GLYAT: variants seen among roughly 807,000 people sequenced by gnomAD.
GLYAT encodes glycine N-acyltransferase.
Under a neutral mutation model 22.8 loss-of-function variants are expected in GLYAT, and 25 were observed. The observed-to-expected ratio is 1.09, with a 90% confidence interval of 0.80 to 1.53. The LOEUF is 1.53. Ranked by LOEUF, GLYAT falls within the 40% of genes most tolerant of loss-of-function variation. The probability of loss-of-function intolerance (pLI) is 0.00; values close to 1 mark genes in which losing one functional copy is unlikely to be tolerated. For synonymous variants in GLYAT, 140 were observed against 122.7 expected, an observed-to-expected ratio of 1.14 and a Z score of -0.93; for missense variants, 411 against 353.9, an observed-to-expected ratio of 1.16 and a Z score of -1.29.
chr11:58,721,802 C>A lies in GLYAT; in HGVS notation c.81+2614G>T, dbSNP rs892184123. Among the ~76,000 whole-genome samples the A allele has an allele frequency of 2.0e-5, 3 of 149,250 alleles. No homozygotes were observed. In the Admixed American group the frequency reaches 2.0e-4, roughly 10 times the overall value. The stretch of plus-strand genomic sequence containing the variant: ...CCCTTTAGTAGTTAAAATTCAAAAT[C>A]TTTTTTTTTTCTCTTTTGCTAGCCA... On this transcript the variant is annotated intron_variant, in intron 2 of 5. Transcript: ENST00000344743.
At chr11:58,710,981 C>G (rs1488753263) in intron 4 of GLYAT, among the ~76,000 whole-genome samples, 3 of 152,170 alleles carry the variant, frequency 2.0e-5, no homozygotes, top group Middle Eastern at 3.2e-3. Flanking sequence ...GTAACTTCCT[C>G]TAGAAGCAAA....
chr11:58,729,867 C>A (rs1856853997), intron 1 of GLYAT, among the ~76,000 whole-genome samples: 1 of 152,084 alleles, frequency 6.6e-6, no homozygotes, highest in African/African-American at 2.4e-5. Context: ...AAGGAAGTAA[C>A]AAAGTAGAGT....
intron 1 of GLYAT, among the ~76,000 whole-genome samples, chr11:58,725,119 C>A (rs192223935): frequency 5.9e-5 from 9 of 152,186 alleles, no homozygotes; most frequent in Non-Finnish European, 1.2e-4. Context: ...TAATAAAGGG[C>A]ATTCTGACAT....
chr11:58,720,557 T>A (rs1463869903), intron 2 of GLYAT, among the ~76,000 whole-genome samples: 2 of 152,174 alleles, frequency 1.3e-5, no homozygotes, highest in African/African-American at 4.8e-5. Flanking sequence ...ACTTGGTTTA[T>A]AGTTTAGCTT....
At chr11:58,730,801 A>T (rs564894917) in intron 1 of GLYAT, among the ~76,000 whole-genome samples, 2 of 152,230 alleles carry the variant, frequency 1.3e-5, no homozygotes, top group African/African-American at 4.8e-5. Flanking sequence ...ACAGAATTTT[A>T]TAAAGTCACA....
chr11:58,723,915 G>C (rs1442734292), intron 2 of GLYAT, among the ~76,000 whole-genome samples: 1 of 151,948 alleles, frequency 6.6e-6, no homozygotes, highest in African/African-American at 2.4e-5. Flanking sequence ...CAGAGCAATT[G>C]GGAAATTTAC....
At chr11:58,717,961 T>A (rs1459867280) in intron 2 of GLYAT, among the ~76,000 whole-genome samples, 1 of 152,070 alleles carries the variant, frequency 6.6e-6, no homozygotes, top group Admixed American at 6.6e-5. Context: ...TTTCTTCTCC[T>A]CTTGAGGTTC....
In GLYAT at chr11:58,710,177, G is replaced by A. The variant is rs538282101; in HGVS notation, c.489-9C>T. The A allele has an allele frequency of 6.3e-7, 1 of 1,596,912 alleles. No homozygotes were observed. The highest frequency in any genetic ancestry group is 1.3e-5 in the African/African-American group (1 of 74,302). On this transcript the variant is annotated splice_polypyrimidine_tract_variant and intron_variant, in intron 5 of 5. Transcript: ENST00000344743. ...TAAACATCTCTTGGTTGCTATGGAG[G>A]GTCCAAGAAGAAAACAAAATCCATT...
In GLYAT at chr11:58,719,850, G is replaced by T. The variant is rs1344906511; in HGVS notation, c.82-4427C>A. Among the ~76,000 whole-genome samples the T allele has an allele frequency of 2.0e-5, 3 of 151,852 alleles. No homozygotes were observed. In the East Asian group the frequency reaches 5.8e-4, roughly 29 times the overall value. ...TATCTCAGTTTTTTTCTAAGCAAAT[G>T]AAAACTTAATATGATAACTTGATCA... On this transcript the variant is annotated intron_variant, in intron 2 of 5. Transcript: ENST00000344743.
intron 1 of GLYAT, among the ~76,000 whole-genome samples, chr11:58,729,725 T>A (rs1272431460): frequency 2.0e-5 from 3 of 152,184 alleles, no homozygotes; most frequent in African/African-American, 4.8e-5. Context: ...ATGAGAAAAG[T>A]TTCCAGCTAT....
intron 1 of GLYAT, among the ~76,000 whole-genome samples, chr11:58,730,795 A>G (rs924555078): frequency 6.6e-6 from 1 of 152,218 alleles, no homozygotes; most frequent in Admixed American, 6.5e-5. Context: ...CTCTAAACAG[A>G]ATTTTATAAA....
chr11:58,731,531 T>C (rs1307907754), intron 1 of GLYAT, among the ~76,000 whole-genome samples: 1 of 152,154 alleles, frequency 6.6e-6, no homozygotes, highest in Non-Finnish European at 1.5e-5. Context: ...GGAAGAGGTG[T>C]CACAAAGCAA....
At chr11:58,723,079 G>A (rs1856771124) in intron 2 of GLYAT, among the ~76,000 whole-genome samples, 1 of 151,998 alleles carries the variant, frequency 6.6e-6, no homozygotes, top group Admixed American at 6.6e-5. Context: ...TTCTCAAAAT[G>A]TTTAGGATCC....
intron 1 of GLYAT, among the ~76,000 whole-genome samples, chr11:58,728,998 C>T (rs1856844921): frequency 6.6e-6 from 1 of 151,544 alleles, no homozygotes; most frequent in African/African-American, 2.4e-5. Flanking sequence ...GAAGGAAGTT[C>T]CTAGAGTCTG....
At chr11:58,711,981 G>A (rs772782082) in intron 4 of GLYAT, among the ~76,000 whole-genome samples, 2 of 152,178 alleles carry the variant, frequency 1.3e-5, no homozygotes, top group Non-Finnish European at 2.9e-5. Flanking sequence ...ACAGTCACCA[G>A]CTGTCATGAA....
chr11:58,723,221 A>G (rs547517945), intron 2 of GLYAT, among the ~76,000 whole-genome samples: 1 of 62,898 alleles, frequency 1.6e-5, no homozygotes, highest in Non-Finnish European at 4.9e-5. Context: ...AATTATACAT[A>G]CAGTGTCTTA....
At chr11:58,719,641 T>C (rs1411727209) in intron 2 of GLYAT, among the ~76,000 whole-genome samples, 3 of 152,004 alleles carry the variant, frequency 2.0e-5, no homozygotes, top group African/African-American at 7.2e-5. Flanking sequence ...AGGCAGTTTA[T>C]TTTGATTGGC....
intron 1 of GLYAT, among the ~76,000 whole-genome samples, chr11:58,730,243 G>T (rs527924637): frequency 6.6e-6 from 1 of 152,262 alleles, no homozygotes; most frequent in African/African-American, 2.4e-5. Flanking sequence ...CAGAGGCCAA[G>T]GAGGGAGGAT....
intron 2 of GLYAT, among the ~76,000 whole-genome samples, chr11:58,723,942 A>T (rs1214732950): frequency 1.3e-5 from 2 of 152,038 alleles, no homozygotes; most frequent in Non-Finnish European, 2.9e-5. Flanking sequence ...ATAGAAATTG[A>T]TCTGTTATTA....
Sources: allele counts gnomAD v4.1 joint callset (sites outside exome capture counted in the v4.1 genomes callset), GRCh38; gene constraint gnomAD v4.1.1; transcripts MANE v1.5; gene names NCBI Gene and HGNC (gene_info 2026-07-23, HGNC 2026-07-21).